The following DPY19L1 variants were observed in gnomAD, a reference collection of about 807,000 sequenced individuals.
DPY19L1 encodes the protein dpy-19 like C-mannosyltransferase 1.
Under a neutral mutation model 96.9 loss-of-function variants are expected in DPY19L1, and 35 were observed. The ratio of observed to expected loss-of-function variants is 0.36; its 90% CI spans 0.28 to 0.48. DPY19L1 has a LOEUF of 0.48. Ranked by LOEUF, DPY19L1 falls within the 20% of genes least tolerant of loss-of-function variation. The probability of loss-of-function intolerance (pLI) is 0.99; values close to 1 mark genes in which losing one functional copy is unlikely to be tolerated. For synonymous variants in DPY19L1, 205 were observed against 252.6 expected, an observed-to-expected ratio of 0.81 and a Z score of 1.79; for missense variants, 521 against 777.9, an observed-to-expected ratio of 0.67 and a Z score of 3.93.
At chr7:34,979,651 T>G (rs1039713370) in intron 7 of DPY19L1, among the ~76,000 whole-genome samples, 2 of 152,080 alleles carry the variant, frequency 1.3e-5, no homozygotes, top group African/African-American at 4.8e-5. Flanking sequence ...TTTTTGAGTT[T>G]GAAAGGAAGT....
chr7:34,969,272 C>A lies in DPY19L1; in HGVS notation c.1014+161G>T, dbSNP rs1584226577. On this transcript the variant is annotated intron_variant, in intron 9 of 21. Coordinates refer to ENST00000638088, the MANE Select transcript of DPY19L1 (RefSeq NM_001366673.1). ...TCTCTACCCTGAACTTTCTTTTGTT[C>A]AATATTTCTAAAAAATGTTTTAGAA... 2.0e-5 allele frequency among the ~76,000 whole-genome samples: 3 copies of A among 152,024 alleles called. No individual in the cohort carries two copies. In the South Asian group the frequency reaches 6.2e-4, roughly 31 times the overall value.
intron 1 of DPY19L1, among the ~76,000 whole-genome samples, chr7:35,035,909 A>T (rs920186104): frequency 2.7e-4 from 22 of 80,242 alleles, no homozygotes; most frequent in Middle Eastern, 0.011. Context: ...TACTGAGATA[A>T]AAAAAAAGGG....
chr7:35,003,820 A>G (rs1338302013), intron 6 of DPY19L1, among the ~76,000 whole-genome samples: 1 of 152,236 alleles, frequency 6.6e-6, no homozygotes, highest in Non-Finnish European at 1.5e-5. Context: ...CTTGGTGCAG[A>G]GCCAGTGTAC....
intron 7 of DPY19L1, among the ~76,000 whole-genome samples, chr7:34,988,871 A>T (rs928260301): frequency 6.6e-6 from 1 of 152,274 alleles, no homozygotes; most frequent in Non-Finnish European, 1.5e-5. Flanking sequence ...CAATAACAGT[A>T]ATAACACAAG....
At chr7:34,945,863 C>A (rs1784134676) in intron 15 of DPY19L1, 147 bp from the exon 16 acceptor site, 1 of 646,134 alleles carries the variant, frequency 1.5e-6, no homozygotes, top group Non-Finnish European at 2.7e-6. Flanking sequence ...ACAACATAAT[C>A]TTATATTTGT....
At chr7:34,931,839 C>T in intron 21 of DPY19L1, 110 bp from the exon 22 acceptor site, 2 of 1,419,886 alleles carry the variant, frequency 1.4e-6, no homozygotes, top group Admixed American at 6.0e-5. Flanking sequence ...CCTTAAATTA[C>T]TTTAGTTTTT....
intron 1 of DPY19L1, among the ~76,000 whole-genome samples, chr7:35,034,542 C>T (rs1167714631): frequency 1.3e-5 from 2 of 152,122 alleles, no homozygotes; most frequent in Admixed American, 1.3e-4. Context: ...GCAAATAATG[C>T]CCCACAATAA....
intron 1 of DPY19L1, among the ~76,000 whole-genome samples, chr7:35,023,315 G>C (rs1786039698): frequency 6.6e-6 from 1 of 152,124 alleles, no homozygotes; most frequent in South Asian, 2.1e-4. Flanking sequence ...TTCCCCAGTT[G>C]AGTCTAAGGC....
At chr7:35,028,694 T>C (rs1426454695) in intron 1 of DPY19L1, among the ~76,000 whole-genome samples, 1 of 152,182 alleles carries the variant, frequency 6.6e-6, no homozygotes, top group African/African-American at 2.4e-5. Context: ...ACTCCATAGG[T>C]AGAACAGTTT....
At chr7:34,933,658 G>A (rs1783805516) in intron 21 of DPY19L1, among the ~76,000 whole-genome samples, 2 of 152,218 alleles carry the variant, frequency 1.3e-5, no homozygotes. Context: ...AAGAATTGTG[G>A]AAGGACTAGA....
chr7:34,981,605 A>G (rs1784940854), intron 7 of DPY19L1, among the ~76,000 whole-genome samples: 1 of 152,208 alleles, frequency 6.6e-6, no homozygotes. Context: ...ATGCCTCCAG[A>G]GGTAATGCAA....
intron 7 of DPY19L1, among the ~76,000 whole-genome samples, chr7:34,981,811 C>G (rs749214270): frequency 6.6e-6 from 1 of 152,018 alleles, no homozygotes; most frequent in Non-Finnish European, 1.5e-5. Flanking sequence ...ATTAGCCAGG[C>G]GTGGTGGCAC....
intron 6 of DPY19L1, among the ~76,000 whole-genome samples, chr7:34,991,003 T>C: frequency 6.6e-6 from 1 of 151,930 alleles, no homozygotes; most frequent in East Asian, 1.9e-4. Flanking sequence ...ATGTAGGGAG[T>C]ATCCAGAAGG....
chr7:35,004,964 T>A (rs530712104), intron 6 of DPY19L1, among the ~76,000 whole-genome samples: 2 of 152,262 alleles, frequency 1.3e-5, no homozygotes, highest in East Asian at 3.9e-4. Flanking sequence ...GAAGACCTCC[T>A]CAGATGGCAC....
At position 34,998,769 on chromosome 7, in the gene DPY19L1, A is replaced by G. The variant is rs568874724; in HGVS notation, c.765-8828T>C. 9.8e-5 allele frequency among the ~76,000 whole-genome samples: 15 copies of G among 152,318 alleles called. No homozygotes were observed. The East Asian group carries it at 1.5e-3, about 16-fold the overall frequency. The stretch of plus-strand genomic sequence containing the variant: ...TCCAACCAGCTCCTCATTCTTAGAT[A>G]CAAATGTCAAGCTAGGAATCAGCAG... On this transcript the variant is annotated intron_variant, in intron 6 of 21. Coordinates refer to ENST00000638088, the MANE Select transcript of DPY19L1 (RefSeq NM_001366673.1).
intron 10 of DPY19L1, 139 bp from the exon 11 acceptor site, chr7:34,958,209 T>C: frequency 1.9e-6 from 1 of 520,746 alleles, no homozygotes; most frequent in Non-Finnish European, 3.3e-6. Flanking sequence ...CCATTCTCCA[T>C]CTCACACTTC....
intron 7 of DPY19L1, among the ~76,000 whole-genome samples, chr7:34,987,635 A>T (rs1049099701): frequency 6.6e-6 from 1 of 152,138 alleles, no homozygotes; most frequent in Non-Finnish European, 1.5e-5. Context: ...CTCCTAAGAA[A>T]GTAAGGTACC....
At chr7:35,011,602 T>G in intron 4 of DPY19L1, 152 bp from the exon 5 acceptor site, 1 of 756,184 alleles carries the variant, frequency 1.3e-6, no homozygotes, top group Non-Finnish European at 2.1e-6. Flanking sequence ...AGGCTCAGAA[T>G]CTCCTAGGCA....
At position 35,013,567 on chromosome 7, in the gene DPY19L1, C is replaced by T; in HGVS notation, c.549+1G>A. 6.2e-7 allele frequency: 1 copy of T among 1,607,154 alleles called. No homozygotes were observed. Among genetic ancestry groups the T allele is most frequent in the Non-Finnish European group, 8.5e-7 (1 of 1,177,228 alleles). On this transcript the variant is annotated splice_donor_variant, in intron 4 of 21. Transcript: ENST00000638088. LOFTEE classifies it high-confidence loss of function. ...AATCACAATTGGAAAAAGTACCTTA[C>T]CTCAGGGTAAAGATTGAATCTTTTT...
Sources: gnomAD v4.1 joint callset for allele counts (sites outside exome capture counted in the v4.1 genomes callset) on GRCh38, gnomAD v4.1.1 for gene constraint, MANE v1.5 for transcripts, NCBI Gene and HGNC (gene_info 2026-07-23, HGNC 2026-07-21) for gene names.